Variants in SEZ6L2 observed in about 807,000 individuals in gnomAD.
SEZ6L2 encodes the protein seizure related 6 homolog like 2.
Under a neutral mutation model 97.0 loss-of-function variants are expected in SEZ6L2, and 44 were observed. That is an observed-to-expected ratio of 0.45 (90% CI 0.36 to 0.58). The LOEUF is 0.58. Ranked by LOEUF, SEZ6L2 falls within the 20% of genes least tolerant of loss-of-function variation. The pLI, the probability that SEZ6L2 is intolerant of heterozygous loss-of-function variation, is 0.00. For missense variants in SEZ6L2, 1,086 were observed against 1,233.3 expected, an observed-to-expected ratio of 0.88 and a Z score of 1.79; for synonymous variants, 543 against 546.1, an observed-to-expected ratio of 0.99 and a Z score of 0.08.
chr16:29,879,476 C>A (rs1297055533), intron 9 of SEZ6L2, among the ~76,000 whole-genome samples: 1 of 151,940 alleles, frequency 6.6e-6, no homozygotes, highest in Non-Finnish European at 1.5e-5. Context: ...CCGCCCGCCT[C>A]AGCCTCCCAT....
chr16:29,872,729 GCTC>G lies in SEZ6L2; in HGVS notation c.2500_2502del (p.Glu834del). On this transcript the variant is annotated inframe_deletion, in exon 15 of 18. Coordinates refer to ENST00000617533, the MANE Select transcript of SEZ6L2 (RefSeq NM_001243332.2). ...CCTTCCAGTTTTCGGTTGTCCAGGA[GCTC>G]CTCATAGGCAACTGCAGGGAGAGGA... 1 of 1,612,940 alleles carries G rather than the reference GCTC, an allele frequency of 6.2e-7. No individual in the cohort carries two copies.
Position 29,878,279 on chromosome 16 carries a change from A to T in SEZ6L2, c.1712+8T>A. 1.9e-6 allele frequency: 3 copies of T among 1,591,584 alleles called. No individual in the cohort carries two copies. In the South Asian group the frequency reaches 3.4e-5, roughly 18 times the overall value. On this transcript the variant is annotated splice_region_variant and intron_variant, in intron 10 of 17. Coordinates refer to ENST00000617533, the MANE Select transcript of SEZ6L2 (RefSeq NM_001243332.2). ...ACCCGTCGCACCCTCTGCAGGACCC[A>T]AACATACATCTCAACTTGGAGCAAG...
intron 1 of SEZ6L2, among the ~76,000 whole-genome samples, chr16:29,898,446 T>C (rs1358931498): frequency 1.4e-5 from 2 of 147,974 alleles, no homozygotes; most frequent in East Asian, 2.0e-4. Flanking sequence ...TCTCTCTCTC[T>C]CCCCCCCACC....
intron 9 of SEZ6L2, among the ~76,000 whole-genome samples, 182 bp from the exon 10 acceptor site, chr16:29,878,607 G>C (rs1399051474): frequency 6.6e-6 from 1 of 151,150 alleles, no homozygotes; most frequent in Non-Finnish European, 1.5e-5. Context: ...TTTTTTTTGA[G>C]ACGGAGTCTC....
intron 12 of SEZ6L2, among the ~76,000 whole-genome samples, chr16:29,875,661 C>CTTTTTTTTTTTTTTTTTTTT (rs149293940): frequency 3.5e-5 from 4 of 112,712 alleles, no homozygotes; most frequent in Non-Finnish European, 5.2e-5. Flanking sequence ...TTCTTTCTTT[C>CTTTTTTTTTTTTTTTTTTTT]TTTCTTTTTT....
intron 14 of SEZ6L2, 54 bp from the exon 15 acceptor site, chr16:29,872,797 C>A (rs2067813786): frequency 7.3e-7 from 1 of 1,367,696 alleles, no homozygotes; most frequent in Non-Finnish European, 1.0e-6. Flanking sequence ...GGGGAGGAGG[C>A]TGGGAGGGGC....
intron 9 of SEZ6L2, among the ~76,000 whole-genome samples, chr16:29,879,356 G>T (rs554322711): frequency 6.6e-6 from 1 of 152,138 alleles, no homozygotes; most frequent in East Asian, 1.9e-4. Flanking sequence ...CTCCTGAGTA[G>T]CTGGGATTAC....
intron 5 of SEZ6L2, among the ~76,000 whole-genome samples, chr16:29,892,604 G>A (rs557309550): frequency 5.9e-5 from 9 of 152,344 alleles, no homozygotes; most frequent in Admixed American, 3.3e-4. Context: ...CCTCAAAAGA[G>A]GCTGGAGAGG....
Position 29,873,694 on chromosome 16 carries a change from C to T in SEZ6L2, c.2140G>A (p.Gly714Arg). 1 of 1,606,682 alleles carries T rather than the reference C, an allele frequency of 6.2e-7. No individual in the cohort carries two copies. The highest frequency in any genetic ancestry group is 8.5e-7 in the Non-Finnish European group (1 of 1,177,398). ...CCGGCGTCCGAGGCGGTGCGGTGCCCGTTGGCAATCTCGCCAGGGTCAGCA... is the reference window on the plus strand; with the variant it reads ...CCGGCGTCCGAGGCGGTGCGGTGCCTGTTGGCAATCTCGCCAGGGTCAGCA... ...TCADPGEIAN[G>R]HRTASDAGFP... The change falls in exon 13 of 18, where the codon GGG becomes AGG. Residue 714 changes from glycine to arginine, a missense_variant. Physicochemically the swap from Gly to Arg is moderately radical, Grantham distance 125 (BLOSUM62 -2). Around this residue, in one of 2 missense-constraint regions of SEZ6L2, gnomAD observed 310 missense variants for 438.6 expected, o/e 0.71. Coordinates refer to ENST00000617533, the MANE Select transcript of SEZ6L2 (RefSeq NM_001243332.2). The surrounding 1 kb of genome is among the most constrained non-coding windows in gnomAD (Gnocchi z 4.3).
chr16:29,884,511 G>T (rs952335117), intron 8 of SEZ6L2, among the ~76,000 whole-genome samples: 1 of 151,886 alleles, frequency 6.6e-6, no homozygotes, highest in Non-Finnish European at 1.5e-5. Context: ...AGAATCGCTT[G>T]AACCTGGAGG....
In SEZ6L2 at chr16:29,872,710, A is replaced by G; in HGVS notation, c.2522T>C (p.Leu841Pro). ...CCACCTGTGCTCTCACTGACCTTCC[A>G]GTTTTCGGTTGTCCAGGAGCTCCTC... ...AYEELLDNRK[L>P]EVTQTTDPSR... Residue 841 changes from leucine (L) to proline (P), a missense_variant, in exon 15 of 18, where the codon CTG becomes CCG. Coordinates refer to ENST00000617533, the MANE Select transcript of SEZ6L2 (RefSeq NM_001243332.2). 1 of 1,604,450 alleles carries G rather than the reference A, an allele frequency of 6.2e-7. No individual in the cohort carries two copies. The highest frequency in any genetic ancestry group is 8.5e-7 in the Non-Finnish European group (1 of 1,174,816).
Position 29,878,318 on chromosome 16 carries a change from C to T in SEZ6L2, c.1681G>A (p.Glu561Lys). ...QDCVWGVHVQ[E>K]EKRILLQVEI... Reference sequence around the variant, plus strand: ...ACTTGGAGCAAGATGCGCTTCTCTTCCTGGACGTGCACGCCCCACACGCAG... The same window carrying T: ...ACTTGGAGCAAGATGCGCTTCTCTTTCTGGACGTGCACGCCCCACACGCAG... Residue 561 changes from glutamate to lysine, a missense_variant, in exon 10 of 18, where the codon GAA becomes AAA. Transcript: ENST00000617533. The T allele has an allele frequency of 2.5e-6, 4 of 1,597,098 alleles. No individual in the cohort carries two copies. The highest frequency in any genetic ancestry group is 3.4e-6 in the Non-Finnish European group (4 of 1,170,992).
At chr16:29,872,129 G>A in intron 17 of SEZ6L2, 58 bp downstream of exon 17, 1 of 1,364,832 alleles carries the variant, frequency 7.3e-7, no homozygotes, top group Admixed American at 2.2e-5. Context: ...TTGCGAGAAG[G>A]TTATGGAGTC....
chr16:29,887,465 TA>T (rs968835176), intron 7 of SEZ6L2, among the ~76,000 whole-genome samples, 183 bp downstream of exon 7: 2 of 142,546 alleles, frequency 1.4e-5, no homozygotes, highest in African/African-American at 5.7e-5. Context: ...CATGCCCGGC[TA>T]ATTTTTTTTT....
In SEZ6L2 at chr16:29,899,049, G is replaced by C; in HGVS notation, c.-30C>G. On this transcript the variant is annotated 5_prime_UTR_variant, in exon 1 of 18. Transcript: ENST00000617533. ...ACTCACCCCGATCTCTCTCCTCTGT[G>C]CCTCTCTAAGTAATCTGGCTGCCAC... The C allele has an allele frequency of 6.5e-7, 1 of 1,535,816 alleles. No homozygotes were observed. The highest frequency in any genetic ancestry group is 1.1e-5 in the South Asian group (1 of 88,122).
chr16:29,877,080 T>C, intron 11 of SEZ6L2, 130 bp from the exon 12 acceptor site: 1 of 1,129,280 alleles, frequency 8.9e-7, no homozygotes, highest in South Asian at 1.6e-5. Context: ...CAGGGTTTCC[T>C]GTCGCCCAGG....
intron 8 of SEZ6L2, among the ~76,000 whole-genome samples, chr16:29,884,260 A>AG (rs983886724): frequency 6.6e-6 from 1 of 152,116 alleles, no homozygotes; most frequent in African/African-American, 2.4e-5. Flanking sequence ...CTGAGCTCTC[A>AG]GGAAATATAT....
chr16:29,897,031 CCT>C lies in SEZ6L2; in HGVS notation c.300_301del (p.Gly101AlafsTer9). On this transcript the variant is annotated frameshift_variant, in exon 3 of 18. Transcript: ENST00000617533. LOFTEE classifies it high-confidence loss of function. ...AGGGGTGACGGCTGTTGTCAGAGGC[CCT>C]GTCCCCGGCTCAGTGGCCCGTGGCA... 1 of 1,580,854 alleles carries C rather than the reference CCT, an allele frequency of 6.3e-7. No individual in the cohort carries two copies. Among genetic ancestry groups the C allele is most frequent in the Non-Finnish European group, 8.6e-7 (1 of 1,169,492 alleles).
intron 5 of SEZ6L2, among the ~76,000 whole-genome samples, chr16:29,893,006 A>C (rs1467405025): frequency 2.0e-5 from 3 of 152,078 alleles, no homozygotes; most frequent in Non-Finnish European, 4.4e-5. Flanking sequence ...TTAAATTGCA[A>C]ATCTGAGGCT....
Sources: gnomAD v4.1 joint callset for allele counts (sites outside exome capture counted in the v4.1 genomes callset) on GRCh38, gnomAD v4.1.1 for gene constraint, gnomAD v4.1.1 regional missense constraint, Gnocchi (gnomAD v3.1) non-coding constraint, MANE v1.5 for transcripts, NCBI Gene and HGNC (gene_info 2026-07-23, HGNC 2026-07-21) for gene names.